The following SCFD2 variants were observed in gnomAD, a reference collection of about 807,000 sequenced individuals.
SCFD2 encodes sec1 family domain containing 2.
A neutral mutation model predicts 58.9 loss-of-function variants in SCFD2; 54 were observed. The observed-to-expected ratio is 0.92, with a 90% CI of 0.74 to 1.15. The LOEUF is 1.15. Among genes scored for constraint, SCFD2 ranks in the 50% most tolerant of loss-of-function variants. The pLI is 0.00. For synonymous variants in SCFD2, 321 were observed against 335.9 expected, an observed-to-expected ratio of 0.96 and a Z score of 0.49; for missense variants, 805 against 836.6, an observed-to-expected ratio of 0.96 and a Z score of 0.47.
chr4:53,250,627 G>A (rs1349387626), intron 4 of SCFD2, among the ~76,000 whole-genome samples: 2 of 152,202 alleles, frequency 1.3e-5, no homozygotes, highest in Non-Finnish European at 2.9e-5. Flanking sequence ...AACTGAGCAA[G>A]CTGCTCCTGA....
At chr4:53,094,154 A>G (rs1240192852) in intron 5 of SCFD2, among the ~76,000 whole-genome samples, 1 of 152,098 alleles carries the variant, frequency 6.6e-6, no homozygotes, top group Non-Finnish European at 1.5e-5. Flanking sequence ...ATTGTTGTAG[A>G]GTAGCCTAAC....
intron 4 of SCFD2, 104 bp from the exon 5 acceptor site, chr4:53,145,686 T>A: frequency 1.0e-6 from 1 of 991,292 alleles, no homozygotes; most frequent in Non-Finnish European, 1.5e-6. Context: ...GTATATGATA[T>A]TTACTGACTG....
At chr4:53,300,637 A>G (rs1187833781) in intron 3 of SCFD2, among the ~76,000 whole-genome samples, 2 of 152,234 alleles carry the variant, frequency 1.3e-5, no homozygotes, top group Non-Finnish European at 2.9e-5. Context: ...CCAAATCAAC[A>G]GAATATACAT....
intron 4 of SCFD2, among the ~76,000 whole-genome samples, chr4:53,252,825 T>G (rs1196077329): frequency 6.6e-6 from 1 of 152,136 alleles, no homozygotes; most frequent in Non-Finnish European, 1.5e-5. Context: ...GACATAGGCA[T>G]GGGCAAGGAC....
intron 5 of SCFD2, among the ~76,000 whole-genome samples, chr4:53,106,457 G>T (rs778268874): frequency 6.6e-6 from 1 of 152,082 alleles, no homozygotes; most frequent in Non-Finnish European, 1.5e-5. Context: ...CCCAATGCAA[G>T]GAAGCCAAGA....
chr4:52,883,988 G>A (rs1357551155), intron 8 of SCFD2, among the ~76,000 whole-genome samples: 28 of 152,122 alleles, frequency 1.8e-4, no homozygotes, highest in Non-Finnish European at 4.1e-4. Context: ...AGACCTTCTT[G>A]GCTTAACCTG....
intron 5 of SCFD2, among the ~76,000 whole-genome samples, chr4:53,082,545 G>T (rs1724178760): frequency 1.3e-5 from 2 of 152,102 alleles, no homozygotes; most frequent in Admixed American, 1.3e-4. Flanking sequence ...GCTAAGGGAT[G>T]CCCAGAGAGT....
chr4:53,233,239 C>T (rs1169597830), intron 4 of SCFD2, among the ~76,000 whole-genome samples: 2 of 152,074 alleles, frequency 1.3e-5, no homozygotes, highest in Non-Finnish European at 2.9e-5. Context: ...AATCCTAGCA[C>T]CACTGGGGTA....
At chr4:53,342,157 A>T (rs1733898341) in intron 2 of SCFD2, among the ~76,000 whole-genome samples, 1 of 152,222 alleles carries the variant, frequency 6.6e-6, no homozygotes, top group African/African-American at 2.4e-5. Flanking sequence ...AAAGACATAG[A>T]CTGGCAAATT....
intron 5 of SCFD2, among the ~76,000 whole-genome samples, chr4:53,114,321 G>A (rs760801816): frequency 1.1e-4 from 16 of 152,096 alleles, no homozygotes; most frequent in Non-Finnish European, 2.2e-4. Context: ...CAAAACAGAT[G>A]CACATGGAGG....
intron 6 of SCFD2, among the ~76,000 whole-genome samples, chr4:52,911,623 C>T (rs1030733647): frequency 3.9e-5 from 6 of 152,154 alleles, no homozygotes; most frequent in South Asian, 2.1e-4. Context: ...AGGAAAAGAA[C>T]ATAAATGCTT....
At chr4:53,288,412 C>CAAAAGAACCA (rs1283839609) in intron 3 of SCFD2, among the ~76,000 whole-genome samples, 1 of 151,766 alleles carries the variant, frequency 6.6e-6, no homozygotes. Flanking sequence ...ATAAAGTCCC[C>CAAAAGAACCA]AAAAAGGTTC....
chr4:53,238,443 G>A (rs1235454626), intron 4 of SCFD2, among the ~76,000 whole-genome samples: 1 of 150,172 alleles, frequency 6.7e-6, no homozygotes, highest in South Asian at 2.1e-4. Flanking sequence ...GGCTGGCCGG[G>A]CAGGGGGCTG....
chr4:53,144,373 G>T (rs575320984), intron 5 of SCFD2, among the ~76,000 whole-genome samples: 2 of 149,874 alleles, frequency 1.3e-5, no homozygotes, highest in East Asian at 3.9e-4. Context: ...ATATACACAC[G>T]TGTGTGTGCA....
At chr4:53,089,947 T>G (rs1314375222) in intron 5 of SCFD2, among the ~76,000 whole-genome samples, 1 of 152,174 alleles carries the variant, frequency 6.6e-6, no homozygotes, top group African/African-American at 2.4e-5. Flanking sequence ...GAAATTAATT[T>G]TAAAGACATC....
chr4:53,181,717 T>C (rs900033698), intron 4 of SCFD2, among the ~76,000 whole-genome samples: 8 of 152,148 alleles, frequency 5.3e-5, no homozygotes, highest in Non-Finnish European at 8.8e-5. Flanking sequence ...AGTCAAATTG[T>C]CCCTGTTTGC....
rs557459636 is a variant in SCFD2, at chr4:52,952,352, A to G, written c.1562-31482T>C. Among the ~76,000 whole-genome samples, 17 of 148,252 alleles carry G rather than the reference A, an allele frequency of 1.1e-4. No homozygotes were observed. In the East Asian group the frequency reaches 3.2e-3, roughly 28 times the overall value. On this transcript the variant is annotated intron_variant, in intron 5 of 8. Transcript: ENST00000401642. ...AGACAGTAACACACCACCATCAGGC[A>G]TCTTTCTGGGGGACAATCTAAAGGC...
At chr4:53,243,414 C>G (rs1224423638) in intron 4 of SCFD2, among the ~76,000 whole-genome samples, 1 of 152,054 alleles carries the variant, frequency 6.6e-6, no homozygotes, top group Non-Finnish European at 1.5e-5. Flanking sequence ...AGACCCTTTT[C>G]AGACATGCAA....
chr4:53,178,376 C>A (rs1336591735), intron 4 of SCFD2, among the ~76,000 whole-genome samples: 2 of 152,172 alleles, frequency 1.3e-5, no homozygotes, highest in Non-Finnish European at 2.9e-5. Flanking sequence ...ACTGATGATA[C>A]CCAGGCAAAC....
Sources: gnomAD v4.1 joint callset for allele counts (sites outside exome capture counted in the v4.1 genomes callset) on GRCh38, gnomAD v4.1.1 for gene constraint, MANE v1.5 for transcripts, NCBI Gene and HGNC (gene_info 2026-07-23, HGNC 2026-07-21) for gene names.